PTPRT: variants seen among roughly 807,000 people sequenced by gnomAD.
PTPRT encodes the protein protein tyrosine phosphatase receptor type T, also known as receptor-type tyrosine-protein phosphatase T.
Under a neutral mutation model 176.8 loss-of-function variants are expected in PTPRT, and 56 were observed. That is an observed-to-expected ratio of 0.32 (90% CI 0.26 to 0.40). The LOEUF (loss-of-function observed/expected upper bound fraction) is 0.40. Ranked by LOEUF, PTPRT falls within the 10% of genes least tolerant of loss-of-function variation. The pLI is 1.00. For missense variants in PTPRT, 1,540 were observed against 1,908.2 expected (o/e 0.81, Z 3.60); for synonymous variants, 783 against 739.0 (o/e 1.06, Z -0.96).
intron 7 of PTPRT, among the ~76,000 whole-genome samples, chr20:42,533,365 G>C (rs1191120695): frequency 6.6e-6 from 1 of 152,184 alleles, no homozygotes; most frequent in Non-Finnish European, 1.5e-5. Context: ...GCCCGGCAGT[G>C]AGCCGTCTCT....
intron 1 of PTPRT, among the ~76,000 whole-genome samples, chr20:43,171,348 G>A (rs2014994603): frequency 6.6e-6 from 1 of 152,126 alleles, no homozygotes; most frequent in Non-Finnish European, 1.5e-5. Flanking sequence ...CTATGTGTAG[G>A]AATTGCGCTA....
At chr20:42,605,677 C>A (rs1363285575) in intron 7 of PTPRT, among the ~76,000 whole-genome samples, 1 of 152,144 alleles carries the variant, frequency 6.6e-6, no homozygotes, top group African/African-American at 2.4e-5. Flanking sequence ...AGAATGTGAG[C>A]AAAGACCGAT....
intron 7 of PTPRT, among the ~76,000 whole-genome samples, chr20:42,506,056 T>C (rs913091124): frequency 6.6e-6 from 1 of 152,140 alleles, no homozygotes; most frequent in African/African-American, 2.4e-5. Context: ...AACTCAGGGT[T>C]ACATACATCC....
chr20:42,818,605 C>T (rs1450514593), intron 2 of PTPRT, among the ~76,000 whole-genome samples: 1 of 152,202 alleles, frequency 6.6e-6, no homozygotes, highest in East Asian at 1.9e-4. Flanking sequence ...TAACCCAATG[C>T]AAATAAGCTA....
intron 1 of PTPRT, among the ~76,000 whole-genome samples, chr20:43,182,578 C>T (rs1275953596): frequency 6.6e-6 from 1 of 152,044 alleles, no homozygotes; most frequent in Non-Finnish European, 1.5e-5. Context: ...TATAGTAGAG[C>T]TGGCATTTCG....
chr20:43,126,939 C>CAACTGCATTGGATTCTGCGTG (rs2013461516), intron 1 of PTPRT, among the ~76,000 whole-genome samples: 1 of 152,176 alleles, frequency 6.6e-6, no homozygotes, highest in Non-Finnish European at 1.5e-5. Context: ...GAAACGGAAT[C>CAACTGCATTGGATTCTGCGTG]AACTGCATTG....
At chr20:42,631,337 G>T (rs74820436) in intron 7 of PTPRT, among the ~76,000 whole-genome samples, 6 of 152,084 alleles carry the variant, frequency 3.9e-5, no homozygotes, top group Non-Finnish European at 8.8e-5. Flanking sequence ...AGTTAAAAAT[G>T]TTCCTGAAGA....
intron 7 of PTPRT, among the ~76,000 whole-genome samples, chr20:42,601,914 G>T (rs1025235613): frequency 6.6e-6 from 1 of 152,108 alleles, no homozygotes; most frequent in Non-Finnish European, 1.5e-5. Context: ...GGTCTGTGCC[G>T]GGCAGGATGC....
chr20:43,157,046 A>G (rs1457449946), intron 1 of PTPRT, among the ~76,000 whole-genome samples: 2 of 152,048 alleles, frequency 1.3e-5, no homozygotes, highest in African/African-American at 4.8e-5. Flanking sequence ...CCATTGGGAC[A>G]CAGCAATTAA....
At chr20:42,356,532 T>C (rs1386906649) in intron 9 of PTPRT, among the ~76,000 whole-genome samples, 1 of 151,974 alleles carries the variant, frequency 6.6e-6, no homozygotes, top group Non-Finnish European at 1.5e-5. Flanking sequence ...CCGTCTCTAT[T>C]AAAATTACAA....
chr20:42,380,071 C>T (rs1050772784), intron 9 of PTPRT, among the ~76,000 whole-genome samples: 1 of 152,138 alleles, frequency 6.6e-6, no homozygotes, highest in Non-Finnish European at 1.5e-5. Context: ...ATAGAGTAAA[C>T]GTGTGAGGCT....
At chr20:42,578,462 T>C (rs1205333442) in intron 7 of PTPRT, among the ~76,000 whole-genome samples, 5 of 152,166 alleles carry the variant, frequency 3.3e-5, no homozygotes, top group Non-Finnish European at 5.9e-5. Flanking sequence ...TGTTGTCTAA[T>C]AGATAGCCAG....
At position 42,888,757 on chromosome 20, in the gene PTPRT, A is replaced by G. The variant is rs553320999; in HGVS notation, c.89-2825T>C. Among the ~76,000 whole-genome samples the G allele has an allele frequency of 2.6e-5, 4 of 152,320 alleles. No individual in the cohort carries two copies. The South Asian group carries it at 8.3e-4, about 32-fold the overall frequency. ...CCTTCACTTATTCTAGAAACATTCAACAAGTTTTTTTAATGGGCTCTGGAC... is the reference window on the plus strand; with the variant it reads ...CCTTCACTTATTCTAGAAACATTCAGCAAGTTTTTTTAATGGGCTCTGGAC... On this transcript the variant is annotated intron_variant, in intron 1 of 30. Transcript: ENST00000373187.
intron 1 of PTPRT, among the ~76,000 whole-genome samples, chr20:43,089,832 G>C (rs2011751893): frequency 6.6e-6 from 1 of 152,096 alleles, no homozygotes; most frequent in East Asian, 1.9e-4. Flanking sequence ...AATTTTCCCA[G>C]GCTGAAACAG....
chr20:43,082,034 C>G (rs1431883190), intron 1 of PTPRT, among the ~76,000 whole-genome samples: 1 of 152,136 alleles, frequency 6.6e-6, no homozygotes, highest in Admixed American at 6.5e-5. Context: ...TTGATGTTCA[C>G]CTTAAATTCT....
intron 16 of PTPRT, among the ~76,000 whole-genome samples, chr20:42,187,245 C>T (rs1356130425): frequency 6.6e-6 from 1 of 152,080 alleles, no homozygotes; most frequent in Non-Finnish European, 1.5e-5. Flanking sequence ...TCTTATGCTA[C>T]TAATGGTTAT....
At chr20:43,085,710 A>G (rs973650261) in intron 1 of PTPRT, among the ~76,000 whole-genome samples, 5 of 152,118 alleles carry the variant, frequency 3.3e-5, no homozygotes, top group African/African-American at 1.2e-4. Context: ...CAGCACGCGA[A>G]AAACCCTCCC....
In PTPRT at chr20:42,248,670, C is replaced by A; in HGVS notation, c.2312+17G>T. 2 of 1,613,138 alleles carry A rather than the reference C, an allele frequency of 1.2e-6. No homozygotes were observed. The highest frequency in any genetic ancestry group is 1.7e-6 in the Non-Finnish European group (2 of 1,179,476). ...CCTCGGGTCAGCAGAGTCTTGCAGGCAGCAGCAGAGACTCACCTCCTTTTG... is the reference window on the plus strand; with the variant it reads ...CCTCGGGTCAGCAGAGTCTTGCAGGAAGCAGCAGAGACTCACCTCCTTTTG... On this transcript the variant is annotated intron_variant, in intron 14 of 30. Coordinates refer to ENST00000373187, the MANE Select transcript of PTPRT (RefSeq NM_007050.6).
rs188297454 is a variant in PTPRT, at chr20:42,115,279, C to A, written c.3019G>T (p.Val1007Phe). The part of the protein sequence containing the change: ...CVRYWPDDTE[V>F]YGDIKVTLIE... ...AGGGTGACTTTAATGTCTCCGTAGA[C>A]CTCCGTGTCATCTGGCCAGTATCGC... Residue 1007 changes from valine to phenylalanine, a missense_variant, in exon 22 of 31, where the codon GTC becomes TTC. This residue lies in a region of PTPRT where 248 missense variants were observed against 356.7 expected (regional missense o/e 0.70). Transcript: ENST00000373187. 2.1e-4 allele frequency: 343 copies of A among 1,614,154 alleles called. 2 individuals are homozygous for A. In the East Asian group the frequency reaches 5.0e-3, roughly 24 times the overall value.
Sources: allele counts gnomAD v4.1 joint callset (sites outside exome capture counted in the v4.1 genomes callset), GRCh38; gene constraint gnomAD v4.1.1; regional missense constraint gnomAD v4.1.1; transcripts MANE v1.5; gene names NCBI Gene and HGNC (gene_info 2026-07-23, HGNC 2026-07-21).